The following IFI27L1 variants were observed in gnomAD, a reference collection of about 807,000 sequenced individuals.
The protein encoded by IFI27L1 is interferon alpha-inducible protein 27-like protein 1.
Under a neutral mutation model 9.2 loss-of-function variants are expected in IFI27L1, and 3 were observed. That is an observed-to-expected ratio of 0.32 (90% CI 0.15 to 0.84). IFI27L1 has a LOEUF of 0.84. Among genes scored for constraint, IFI27L1 ranks in the 40% least tolerant of loss-of-function variants. The probability of loss-of-function intolerance (pLI) is 0.56; values close to 1 mark genes in which losing one functional copy is unlikely to be tolerated. For missense variants in IFI27L1, 133 were observed against 134.2 expected (o/e 0.99, Z 0.05); for synonymous variants, 53 against 50.0 (o/e 1.06, Z -0.26).
intron 1 of IFI27L1, among the ~76,000 whole-genome samples, chr14:94,093,235 C>G (rs1161359029): frequency 7.0e-6 from 1 of 142,478 alleles, no homozygotes; most frequent in African/African-American, 2.7e-5. Context: ...GGCATCATCT[C>G]AGCTCATTGC....
chr14:94,102,050 C>A, intron 4 of IFI27L1, 75 bp downstream of exon 4: 1 of 1,494,690 alleles, frequency 6.7e-7, no homozygotes, highest in Non-Finnish European at 9.3e-7. Flanking sequence ...GGCCTCTCCT[C>A]TCCCTGCAGG....
chr14:94,097,939 C>G (rs555156839), intron 2 of IFI27L1, among the ~76,000 whole-genome samples: 1 of 152,224 alleles, frequency 6.6e-6, no homozygotes. Flanking sequence ...CACCAGAGTA[C>G]TTAACACAGT....
At chr14:94,084,917 T>C (rs985440723) in intron 1 of IFI27L1, among the ~76,000 whole-genome samples, 4 of 152,194 alleles carry the variant, frequency 2.6e-5, no homozygotes, top group African/African-American at 9.7e-5. Context: ...AGTTTTTGCT[T>C]ACACAGTTTT....
At chr14:94,081,580 G>A (rs1271138112) in intron 1 of IFI27L1, 131 bp downstream of exon 1, 2 of 152,338 alleles carry the variant, frequency 1.3e-5, no homozygotes, top group Non-Finnish European at 2.9e-5. Flanking sequence ...GCAAAAGCAA[G>A]TTTATTAAGT....
intron 4 of IFI27L1, 137 bp from the exon 5 acceptor site, chr14:94,102,340 G>A: frequency 1.7e-6 from 1 of 599,180 alleles, no homozygotes; most frequent in South Asian, 2.2e-5. Flanking sequence ...TAGGGTTTTA[G>A]GAAGCAGAGG....
At chr14:94,084,773 CAG>C (rs796088854) in intron 1 of IFI27L1, among the ~76,000 whole-genome samples, 24 of 152,312 alleles carry the variant, frequency 1.6e-4, no homozygotes, top group African/African-American at 4.3e-4. Context: ...GCTAGAGAAA[CAG>C]AGTCTTCACA....
chr14:94,098,213 G>T lies in IFI27L1; in HGVS notation c.28+1248G>T, dbSNP rs546799553. The stretch of plus-strand genomic sequence containing the variant: ...TTTCTCACCGTTCTGGAGGCTAGAA[G>T]TCTGAAATCAGAGTGTCCCAGGGCC... On this transcript the variant is annotated intron_variant, in intron 2 of 4. Transcript: ENST00000555523. 1.3e-4 allele frequency among the ~76,000 whole-genome samples: 20 copies of T among 152,320 alleles called. No homozygotes were observed. The South Asian group carries it at 4.1e-3, about 32-fold the overall frequency.
At chr14:94,093,930 C>T (rs988469437) in intron 1 of IFI27L1, among the ~76,000 whole-genome samples, 8 of 151,930 alleles carry the variant, frequency 5.3e-5, no homozygotes, top group East Asian at 1.9e-4. Context: ...GTGAAGTCTG[C>T]GGAGAGAGGA....
intron 1 of IFI27L1, among the ~76,000 whole-genome samples, chr14:94,084,708 G>A (rs540917392): frequency 7.7e-4 from 117 of 152,248 alleles, no homozygotes; most frequent in African/African-American, 2.7e-3. Flanking sequence ...ACTTTTCAAG[G>A]AACAACACGT....
At chr14:94,100,105 TAAG>T (rs1214707920) in intron 2 of IFI27L1, 1 of 190,828 alleles carries the variant, frequency 5.2e-6, no homozygotes, top group Non-Finnish European at 9.7e-6. Context: ...AGCAAGGAAA[TAAG>T]AACTGAAAGA....
intron 1 of IFI27L1, chr14:94,089,115 G>A (rs1886382862): frequency 6.6e-6 from 1 of 152,100 alleles, no homozygotes; most frequent in Non-Finnish European, 1.5e-5. Context: ...GCTGTTACTG[G>A]ATAGAGGTCC....
At chr14:94,098,832 T>C (rs1886777099) in intron 2 of IFI27L1, among the ~76,000 whole-genome samples, 1 of 152,194 alleles carries the variant, frequency 6.6e-6, no homozygotes, top group African/African-American at 2.4e-5. Context: ...ATGCTTTGCA[T>C]TAGACCCTCC....
In IFI27L1 at chr14:94,082,948, C is replaced by T. The variant is rs539769430; in HGVS notation, c.-52+1499C>T. On this transcript the variant is annotated intron_variant, in intron 1 of 4. Coordinates refer to ENST00000555523, the MANE Select transcript of IFI27L1 (RefSeq NM_206949.3). ...AAGTTTTATTACTTAAGATACATTT[C>T]GTAAGGCTATGGCTGCCATAGAGAG... 3.2e-4 allele frequency among the ~76,000 whole-genome samples: 48 copies of T among 152,262 alleles called. 1 individual carries two copies. Among genetic ancestry groups the T allele is most frequent in the African/African-American group, 8.7e-4 (36 of 41,552 alleles).
At chr14:94,101,240 A>C (rs1886884073) in intron 3 of IFI27L1, 1 of 250,216 alleles carries the variant, frequency 4.0e-6, no homozygotes, top group Admixed American at 4.9e-5. Context: ...AAAGAAAATC[A>C]TAATGTTTCT....
chr14:94,101,685 G>T, intron 3 of IFI27L1, 129 bp from the exon 4 acceptor site: 1 of 876,740 alleles, frequency 1.1e-6, no homozygotes, highest in East Asian at 2.6e-5. Context: ...CTTGTTTTGG[G>T]ATCCCATCCC....
At chr14:94,098,719 C>G (rs1886772281) in intron 2 of IFI27L1, among the ~76,000 whole-genome samples, 1 of 152,166 alleles carries the variant, frequency 6.6e-6, no homozygotes, top group Non-Finnish European at 1.5e-5. Flanking sequence ...TTCTTGGGGA[C>G]TGGGTTGGGG....
chr14:94,093,393 G>A (rs1408839879), intron 1 of IFI27L1, among the ~76,000 whole-genome samples: 6 of 151,636 alleles, frequency 4.0e-5, no homozygotes, highest in Non-Finnish European at 8.8e-5. Context: ...GGATGGTCTC[G>A]ATCTCCTGAC....
intron 2 of IFI27L1, 67 bp from the exon 3 acceptor site, chr14:94,100,672 G>C: frequency 1.3e-6 from 2 of 1,559,242 alleles, no homozygotes; most frequent in Non-Finnish European, 8.8e-7. Context: ...GGGGGTATCA[G>C]AGAGTACCCA....
chr14:94,082,532 C>G (rs552378887), intron 1 of IFI27L1, among the ~76,000 whole-genome samples: 1 of 152,350 alleles, frequency 6.6e-6, no homozygotes, highest in Admixed American at 6.5e-5. Context: ...CAATGTCTGG[C>G]CTCAAAGGCC....
Sources: gnomAD v4.1 joint callset for allele counts (sites outside exome capture counted in the v4.1 genomes callset) on GRCh38, gnomAD v4.1.1 for gene constraint, MANE v1.5 for transcripts, NCBI Gene and HGNC (gene_info 2026-07-23, HGNC 2026-07-21) for gene names.